THSD4: variants seen among roughly 807,000 people sequenced by gnomAD.
THSD4 encodes thrombospondin type 1 domain containing 4, also known as thrombospondin type-1 domain-containing protein 4.
A neutral mutation model predicts 119.0 loss-of-function variants in THSD4; 69 were observed. The ratio of observed to expected loss-of-function variants is 0.58; its 90% CI spans 0.48 to 0.71. The LOEUF is 0.71. THSD4 is among the 30% of genes least tolerant of loss of function. THSD4 has a pLI of 0.00. For synonymous variants in THSD4, 524 were observed against 540.4 expected (o/e 0.97, Z 0.42); for missense variants, 1,393 against 1,391.1 (o/e 1.00, Z -0.02).
chr15:71,556,196 T>C (rs2049013452), intron 7 of THSD4, among the ~76,000 whole-genome samples: 1 of 152,150 alleles, frequency 6.6e-6, no homozygotes, highest in Non-Finnish European at 1.5e-5. Flanking sequence ...TTTTTATCAG[T>C]ATTGTATTGA....
chr15:71,655,335 T>G (rs2051168616), intron 7 of THSD4, among the ~76,000 whole-genome samples: 1 of 152,204 alleles, frequency 6.6e-6, no homozygotes, highest in Non-Finnish European at 1.5e-5. Flanking sequence ...CTTGGCCGAT[T>G]TTGTTTTGTT....
At chr15:71,765,320 A>G in intron 16 of THSD4, 121 bp downstream of exon 16, 1 of 1,214,086 alleles carries the variant, frequency 8.2e-7, no homozygotes, top group Non-Finnish European at 1.1e-6. Context: ...ACAGCAATCT[A>G]CCTTAGGTGG....
At chr15:71,446,245 C>G (rs1160396630) in intron 7 of THSD4, among the ~76,000 whole-genome samples, 2 of 152,204 alleles carry the variant, frequency 1.3e-5, no homozygotes, top group African/African-American at 4.8e-5. Context: ...CACTTCCTTT[C>G]TTTAAACCTT....
Position 71,332,892 on chromosome 15 carries a change from A to ATTTTTTTTTTTTTT in THSD4, c.1015+76180_1015+76193dup. On this transcript the variant is annotated intron_variant, in intron 6 of 17. Coordinates refer to ENST00000261862, the MANE Select transcript of THSD4 (RefSeq NM_024817.3). ...TCTTAAAACATTGAGATTTTTTTAC[A>ATTTTTTTTTTTTTT]TTTTTTTTTTTTTTTTAGTTCATCA... 3.5e-4 allele frequency among the ~76,000 whole-genome samples: 27 copies of ATTTTTTTTTTTTTT among 77,000 alleles called. 5 individuals are homozygous for ATTTTTTTTTTTTTT. Among genetic ancestry groups the ATTTTTTTTTTTTTT allele is most frequent in the East Asian group, 2.1e-3 (4 of 1,878 alleles). 50.5% of individuals were successfully genotyped at this position (77,000 alleles called of 152,430 possible).
intron 7 of THSD4, among the ~76,000 whole-genome samples, chr15:71,477,295 A>G (rs193196851): frequency 6.6e-6 from 1 of 152,326 alleles, no homozygotes; most frequent in Admixed American, 6.5e-5. Context: ...GAACATAAAC[A>G]GACTGCTAGT....
chr15:71,557,661 A>C (rs748869653), intron 7 of THSD4, among the ~76,000 whole-genome samples: 4 of 152,144 alleles, frequency 2.6e-5, no homozygotes, highest in Non-Finnish European at 4.4e-5. Flanking sequence ...TAATTATAGG[A>C]GTATTAAGGC....
rs376046552 is a variant in THSD4 at position 71,188,445 on chromosome 15, G to A, written c.100-26590G>A. Among the ~76,000 whole-genome samples the A allele has an allele frequency of 5.7e-4, 87 of 152,250 alleles. 1 individual carries two copies. The South Asian group carries it at 0.017, about 30-fold the overall frequency. ...GGCTTGAAAGGCAGGTGAGGAACTT[G>A]TGCTTTACCCTGGGGGCTGAAGGAA... On this transcript the variant is annotated intron_variant, in intron 3 of 17. Coordinates refer to ENST00000261862, the MANE Select transcript of THSD4 (RefSeq NM_024817.3).
At chr15:71,331,552 C>G (rs553357945) in intron 6 of THSD4, among the ~76,000 whole-genome samples, 2 of 152,186 alleles carry the variant, frequency 1.3e-5, no homozygotes, top group Non-Finnish European at 2.9e-5. Flanking sequence ...GAGCTTCACT[C>G]TAGCTGGGAT....
chr15:71,326,726 T>TATATATATATATATATA (rs1491127315), intron 6 of THSD4, among the ~76,000 whole-genome samples: 138 of 87,912 alleles, frequency 1.6e-3, no homozygotes, highest in Non-Finnish European at 2.5e-3. Flanking sequence ...TATATATATA[T>TATATATATATATATATA]TAGCTGGGTG....
chr15:71,463,966 C>G (rs1295082643), intron 7 of THSD4, among the ~76,000 whole-genome samples: 2 of 152,178 alleles, frequency 1.3e-5, no homozygotes, highest in African/African-American at 4.8e-5. Flanking sequence ...TTGATGCACC[C>G]TGCACAAACC....
rs77867449 is a variant in THSD4, at chr15:71,516,362, A to G, written c.1152+104539A>G. Among the ~76,000 whole-genome samples, 1,288 of 152,198 alleles carry G rather than the reference A, an allele frequency of 8.5e-3. 22 individuals are homozygous for G. Among genetic ancestry groups the G allele is most frequent in the African/African-American group, 0.027 (1,135 of 41,542 alleles). On this transcript the variant is annotated intron_variant, in intron 7 of 17. Coordinates refer to ENST00000261862, the MANE Select transcript of THSD4 (RefSeq NM_024817.3). ...TGGAGTGTTGGTCGTGAGTGGCCCA[A>G]TCACCTCTGCAACAACCTCACGGCT...
chr15:71,605,667 A>G (rs2050095655), intron 7 of THSD4, among the ~76,000 whole-genome samples: 1 of 152,208 alleles, frequency 6.6e-6, no homozygotes, highest in South Asian at 2.1e-4. Context: ...AAGATCGAGA[A>G]CTAGATTTTA....
At chr15:71,442,979 A>G (rs2047130826) in intron 7 of THSD4, among the ~76,000 whole-genome samples, 1 of 151,952 alleles carries the variant, frequency 6.6e-6, no homozygotes, top group South Asian at 2.1e-4. Flanking sequence ...CCGATAAACC[A>G]TGAGCCCCTT....
intron 7 of THSD4, among the ~76,000 whole-genome samples, chr15:71,608,148 G>C (rs142681383): frequency 2.7e-5 from 4 of 150,784 alleles, no homozygotes; most frequent in African/African-American, 4.9e-5. Context: ...GTTTGAACCC[G>C]GGAGGCGGTG....
intron 1 of THSD4, among the ~76,000 whole-genome samples, chr15:71,106,474 CT>C (rs2040274623): frequency 6.6e-6 from 1 of 152,108 alleles, no homozygotes; most frequent in African/African-American, 2.4e-5. Context: ...ATTCTGGCCC[CT>C]GGTGGAGAAA....
At chr15:71,258,132 T>G (rs2044341730) in intron 6 of THSD4, among the ~76,000 whole-genome samples, 1 of 152,172 alleles carries the variant, frequency 6.6e-6, no homozygotes, top group African/African-American at 2.4e-5. Flanking sequence ...TAGTTAATAG[T>G]ATTGTACCAG....
chr15:71,770,483 C>T (rs1338384501), intron 16 of THSD4, among the ~76,000 whole-genome samples: 5 of 151,742 alleles, frequency 3.3e-5, no homozygotes, highest in Admixed American at 6.6e-5. Context: ...GGCGAAACCC[C>T]GTCTCTACTA....
chr15:71,554,235 G>A (rs545831863), intron 7 of THSD4, among the ~76,000 whole-genome samples: 2 of 150,872 alleles, frequency 1.3e-5, no homozygotes, highest in Non-Finnish European at 1.5e-5. Flanking sequence ...GACTACAGGT[G>A]CCCACCGCCA....
intron 3 of THSD4, among the ~76,000 whole-genome samples, chr15:71,196,617 C>T (rs1031231907): frequency 6.6e-6 from 1 of 152,040 alleles, no homozygotes; most frequent in African/African-American, 2.4e-5. Context: ...TTGAGTGGGT[C>T]AGATGAGAAG....
Sources: allele counts gnomAD v4.1 joint callset (sites outside exome capture counted in the v4.1 genomes callset), GRCh38; gene constraint gnomAD v4.1.1; transcripts MANE v1.5; gene names NCBI Gene and HGNC (gene_info 2026-07-23, HGNC 2026-07-21).